Variants in ARID2 observed in about 807,000 individuals in gnomAD.
ARID2 encodes AT-rich interactive domain-containing protein 2.
A neutral mutation model predicts 184.6 loss-of-function variants in ARID2; 32 were observed. The observed-to-expected ratio is 0.17, with a 90% CI of 0.13 to 0.23. The LOEUF (loss-of-function observed/expected upper bound fraction) is 0.23. ARID2 is among the 10% of genes least tolerant of loss of function. ARID2 has a pLI of 1.00. For synonymous variants in ARID2, 836 were observed against 772.6 expected (o/e 1.08, Z -1.36); for missense variants, 1,696 against 2,197.6 (o/e 0.77, Z 4.56).
chr12:45,899,892 A>G (rs368436224), intron 20 of ARID2, among the ~76,000 whole-genome samples: 8 of 151,304 alleles, frequency 5.3e-5, no homozygotes, highest in African/African-American at 1.2e-4. Flanking sequence ...AATTTTATAC[A>G]TTTATTGACT....
chr12:45,749,680 T>C (rs1181670027), intron 3 of ARID2, among the ~76,000 whole-genome samples: 1 of 152,226 alleles, frequency 6.6e-6, no homozygotes, highest in Non-Finnish European at 1.5e-5. Context: ...CTTAGCTAGA[T>C]CTTCTGGATA....
At chr12:45,799,370 A>G (rs899846471) in intron 3 of ARID2, among the ~76,000 whole-genome samples, 2 of 152,198 alleles carry the variant, frequency 1.3e-5, no homozygotes, top group Non-Finnish European at 2.9e-5. Flanking sequence ...CAATACATGG[A>G]TGAACATGGA....
intron 3 of ARID2, among the ~76,000 whole-genome samples, chr12:45,739,663 G>A (rs34583928): frequency 0.036 from 5,419 of 151,914 alleles, 142 homozygotes; most frequent in Non-Finnish European, 0.057. Flanking sequence ...GTCAATTGCT[G>A]TGTGCACAAA....
At chr12:45,815,146 G>A (rs933527293) in intron 4 of ARID2, among the ~76,000 whole-genome samples, 1 of 152,022 alleles carries the variant, frequency 6.6e-6, no homozygotes, top group Non-Finnish European at 1.5e-5. Context: ...TAAGGAATAC[G>A]GGTTCCACAT....
chr12:45,868,360 G>GAACCC (rs1338250780), intron 16 of ARID2, among the ~76,000 whole-genome samples: 1 of 152,140 alleles, frequency 6.6e-6, no homozygotes, highest in Non-Finnish European at 1.5e-5. Context: ...AGAATCGCTT[G>GAACCC]AACCCAGGAG....
intron 16 of ARID2, among the ~76,000 whole-genome samples, chr12:45,884,489 G>A (rs1180510343): frequency 1.3e-5 from 2 of 152,128 alleles, no homozygotes; most frequent in Non-Finnish European, 2.9e-5. Flanking sequence ...TACTGTTTCA[G>A]CCCAATATTC....
intron 3 of ARID2, among the ~76,000 whole-genome samples, chr12:45,736,633 G>T (rs1199116886): frequency 6.6e-6 from 1 of 152,170 alleles, no homozygotes; most frequent in Non-Finnish European, 1.5e-5. Context: ...AGACGGATGG[G>T]GTTGAGGGGA....
chr12:45,798,321 G>A (rs1231357854), intron 3 of ARID2, among the ~76,000 whole-genome samples: 1 of 151,968 alleles, frequency 6.6e-6, no homozygotes, highest in Non-Finnish European at 1.5e-5. Context: ...AATTTATTGT[G>A]TCATAGACTG....
intron 3 of ARID2, among the ~76,000 whole-genome samples, chr12:45,771,087 C>T (rs756597895): frequency 2.0e-5 from 3 of 152,068 alleles, no homozygotes; most frequent in Admixed American, 6.6e-5. Flanking sequence ...GCACCACCAG[C>T]GAAGGTAATT....
intron 16 of ARID2, among the ~76,000 whole-genome samples, chr12:45,875,803 T>C (rs899602314): frequency 6.6e-6 from 1 of 152,220 alleles, no homozygotes; most frequent in African/African-American, 2.4e-5. Context: ...TCTCAACCTA[T>C]GCATAGAATT....
intron 3 of ARID2, among the ~76,000 whole-genome samples, chr12:45,743,210 C>A (rs917351143): frequency 6.7e-6 from 1 of 150,362 alleles, no homozygotes; most frequent in African/African-American, 2.5e-5. Flanking sequence ...AAAAAAAAAA[C>A]ATACAAAAAT....
intron 20 of ARID2, among the ~76,000 whole-genome samples, chr12:45,900,846 G>A (rs561354809): frequency 6.6e-6 from 1 of 152,246 alleles, no homozygotes; most frequent in African/African-American, 2.4e-5. Flanking sequence ...TCTAGCACCA[G>A]CTTTGCTGTT....
At chr12:45,730,264 C>T (rs1940955105) in intron 2 of ARID2, 127 bp downstream of exon 2, 1 of 802,702 alleles carries the variant, frequency 1.2e-6, no homozygotes, top group Non-Finnish European at 1.8e-6. Context: ...CTTTTCGCTC[C>T]CAGCCGGTGG....
chr12:45,852,151 A>C lies in ARID2; in HGVS notation c.4028A>C (p.Gln1343Pro). The change falls in exon 15 of 21, where the codon CAA becomes CCA. Residue 1343 changes from glutamine to proline, a missense_variant. Physicochemically the swap from Gln to Pro is moderately conservative, Grantham distance 76. Coordinates refer to ENST00000334344, the MANE Select transcript of ARID2 (RefSeq NM_152641.4). ...GCATCTGGGAAACAGAACTCAGAAC[A>C]AATAGACATGCAAGATATCAAAAGT... ...NGASGKQNSEQIDMQDIKSDL... is the reference protein window; with the variant it reads ...NGASGKQNSEPIDMQDIKSDL... 1 of 1,614,180 alleles carries C rather than the reference A, an allele frequency of 6.2e-7. No homozygotes were observed. The highest frequency in any genetic ancestry group is 1.1e-5 in the South Asian group (1 of 91,086).
intron 4 of ARID2, among the ~76,000 whole-genome samples, chr12:45,815,190 G>T (rs544854191): frequency 6.6e-6 from 1 of 152,056 alleles, no homozygotes; most frequent in South Asian, 2.1e-4. Flanking sequence ...AAAGCTATGT[G>T]GAATATAAAA....
intron 16 of ARID2, among the ~76,000 whole-genome samples, chr12:45,887,940 T>C (rs948307389): frequency 6.6e-6 from 1 of 152,178 alleles, no homozygotes; most frequent in Non-Finnish European, 1.5e-5. Context: ...AGATCTAATG[T>C]ACAGAAGAAA....
At chr12:45,876,077 C>A (rs978863069) in intron 16 of ARID2, among the ~76,000 whole-genome samples, 1 of 152,230 alleles carries the variant, frequency 6.6e-6, no homozygotes. Flanking sequence ...TAAACTTAAT[C>A]ATTTCTAGCT....
In ARID2 at chr12:45,811,561, A is replaced by ACTG. The variant is rs1429277214; in HGVS notation, c.418+12_418+14dup. Reference sequence around the variant, plus strand: ...CAACACAGTGTGTCGGGTAAATATCACTGCAAATTAACAGGATATATGTCC... The same window carrying ACTG: ...CAACACAGTGTGTCGGGTAAATATCACTGCTGCAAATTAACAGGATATATGTCC... On this transcript the variant is annotated intron_variant, in intron 4 of 20. Transcript: ENST00000334344. 3 of 1,611,504 alleles carry ACTG rather than the reference A, an allele frequency of 1.9e-6. No individual in the cohort carries two copies. The East Asian group carries it at 6.7e-5, about 36-fold the overall frequency.
At chr12:45,805,150 A>G (rs1427963587) in intron 3 of ARID2, among the ~76,000 whole-genome samples, 2 of 151,962 alleles carry the variant, frequency 1.3e-5, no homozygotes, top group African/African-American at 2.4e-5. Flanking sequence ...GATTTGCTGC[A>G]TGATAGGATA....
Sources: gnomAD v4.1 joint callset for allele counts (sites outside exome capture counted in the v4.1 genomes callset) on GRCh38, gnomAD v4.1.1 for gene constraint, MANE v1.5 for transcripts, NCBI Gene and HGNC (gene_info 2026-07-23, HGNC 2026-07-21) for gene names.